The following PLD5 variants were observed in gnomAD, a reference collection of about 807,000 sequenced individuals.
PLD5 encodes inactive phospholipase D5.
In PLD5, 36 loss-of-function variants were observed where a neutral mutation model predicts 61.1. That is an observed-to-expected ratio of 0.59 (90% CI 0.45 to 0.78). The LOEUF (loss-of-function observed/expected upper bound fraction) is 0.78. PLD5 is among the 30% of genes least tolerant of loss of function. The pLI is 0.00. For missense variants in PLD5, 515 were observed against 644.4 expected (o/e 0.80, Z 2.17); for synonymous variants, 243 against 242.8 (o/e 1.00, Z -0.01).
At chr1:242,312,533 A>C (rs1415309599) in intron 2 of PLD5, among the ~76,000 whole-genome samples, 2 of 151,996 alleles carry the variant, frequency 1.3e-5, no homozygotes, top group African/African-American at 4.8e-5. Context: ...CTTGCCCCAG[A>C]TATCTGTGGG....
intron 1 of PLD5, among the ~76,000 whole-genome samples, chr1:242,373,275 G>C (rs1661746289): frequency 6.6e-6 from 1 of 152,106 alleles, no homozygotes; most frequent in African/African-American, 2.4e-5. Flanking sequence ...AGTTAGAATG[G>C]CGATCATTAA....
intron 1 of PLD5, among the ~76,000 whole-genome samples, chr1:242,447,937 G>A (rs1258845663): frequency 6.6e-6 from 1 of 152,242 alleles, no homozygotes; most frequent in African/African-American, 2.4e-5. Context: ...TCAGGCTAAT[G>A]AAGGGAAGAA....
intron 5 of PLD5, among the ~76,000 whole-genome samples, chr1:242,193,361 G>A (rs1162709718): frequency 6.6e-6 from 1 of 152,180 alleles, no homozygotes; most frequent in Non-Finnish European, 1.5e-5. Context: ...AATTCAGGGA[G>A]GATTTTCTTT....
intron 5 of PLD5, chr1:242,210,646 A>T (rs1669750524): frequency 6.6e-6 from 1 of 151,656 alleles, no homozygotes; most frequent in Non-Finnish European, 1.5e-5. Context: ...GCTCAAAATC[A>T]CCCCCACTGA....
At chr1:242,219,497 A>C (rs2149005393) in intron 5 of PLD5, among the ~76,000 whole-genome samples, 1 of 152,350 alleles carries the variant, frequency 6.6e-6, no homozygotes, top group Middle Eastern at 3.4e-3. Context: ...CTCTGACACA[A>C]ATAAATGCAT....
intron 5 of PLD5, among the ~76,000 whole-genome samples, chr1:242,164,340 T>G (rs1666140461): frequency 2.0e-5 from 3 of 151,866 alleles, no homozygotes; most frequent in Non-Finnish European, 4.4e-5. Flanking sequence ...CTATGCTTTA[T>G]CCAAACGAAA....
chr1:242,131,537 C>A (rs554176848), intron 5 of PLD5, among the ~76,000 whole-genome samples: 2 of 152,274 alleles, frequency 1.3e-5, no homozygotes, highest in East Asian at 3.9e-4. Flanking sequence ...TGTCTACATG[C>A]ATTTAAACCT....
chr1:242,405,103 ACTC>A (rs1261426508), intron 1 of PLD5, among the ~76,000 whole-genome samples: 2 of 150,850 alleles, frequency 1.3e-5, no homozygotes, highest in African/African-American at 4.9e-5. Context: ...CTGGTCTTGA[ACTC>A]CTGACCTCCA....
At chr1:242,263,866 C>T (rs1413332294) in intron 4 of PLD5, among the ~76,000 whole-genome samples, 2 of 152,184 alleles carry the variant, frequency 1.3e-5, no homozygotes, top group Non-Finnish European at 2.9e-5. Flanking sequence ...TTCAGCAACT[C>T]CAAAGAAAAT....
At chr1:242,278,162 TA>T (rs199898835) in intron 3 of PLD5, among the ~76,000 whole-genome samples, 8,370 of 152,086 alleles carry the variant, frequency 0.055, 273 homozygotes, top group Middle Eastern at 0.13. Context: ...AGGTTCTTAC[TA>T]ATGACAAAGG....
At chr1:242,379,263 A>G (rs1227129247) in intron 1 of PLD5, among the ~76,000 whole-genome samples, 2 of 152,172 alleles carry the variant, frequency 1.3e-5, no homozygotes, top group Non-Finnish European at 2.9e-5. Flanking sequence ...GTTCTTAGTT[A>G]TAATCTACTG....
chr1:242,356,193 T>C (rs1282301985), intron 1 of PLD5, among the ~76,000 whole-genome samples: 2 of 152,110 alleles, frequency 1.3e-5, no homozygotes, highest in Non-Finnish European at 2.9e-5. Context: ...TTACATTGTA[T>C]TGAAATATAC....
At chr1:242,323,904 T>C (rs1658582430) in intron 2 of PLD5, among the ~76,000 whole-genome samples, 1 of 152,134 alleles carries the variant, frequency 6.6e-6, no homozygotes, top group South Asian at 2.1e-4. Flanking sequence ...CATGACTTGA[T>C]AAAACAAGAA....
chr1:242,105,456 T>C (rs1358777272), intron 8 of PLD5, among the ~76,000 whole-genome samples: 1 of 152,232 alleles, frequency 6.6e-6, no homozygotes, highest in Non-Finnish European at 1.5e-5. Flanking sequence ...ACTCCTGGCC[T>C]CAAGTGATTC....
chr1:242,450,120 C>A, intron 1 of PLD5, among the ~76,000 whole-genome samples: 1 of 152,172 alleles, frequency 6.6e-6, no homozygotes, highest in East Asian at 1.9e-4. Flanking sequence ...GGGCTCTTTG[C>A]TTTTCCTGCA....
Position 242,524,417 on chromosome 1 carries a change from C to A in PLD5, c.-141G>T, listed in dbSNP as rs1669381076. 4 of 850,638 alleles carry A rather than the reference C, an allele frequency of 4.7e-6. No individual in the cohort carries two copies. Among genetic ancestry groups the A allele is most frequent in the East Asian group, 3.5e-5 (1 of 28,748 alleles). The allele number at this position is 850,638 out of a possible 1,614,324, so 52.7% of individuals were successfully genotyped here. On this transcript the variant is annotated 5_prime_UTR_variant, in exon 1 of 10. Transcript: ENST00000536534. ...GAGCTGGAGGAGCTGGAGGAGCGAG[C>A]GGGCGCGGGGAGCGCGGGGTGCTGA...
At chr1:242,411,849 G>A (rs1230986640) in intron 1 of PLD5, among the ~76,000 whole-genome samples, 3 of 152,026 alleles carry the variant, frequency 2.0e-5, no homozygotes, top group Non-Finnish European at 4.4e-5. Flanking sequence ...TTGAGGGTGG[G>A]CCCAAGAAAA....
intron 1 of PLD5, among the ~76,000 whole-genome samples, chr1:242,457,534 G>A (rs1386887947): frequency 2.6e-5 from 4 of 152,140 alleles, no homozygotes; most frequent in African/African-American, 9.7e-5. Context: ...TGTTTCCCCA[G>A]GTGAACGTCA....
chr1:242,468,240 AT>A (rs1187369187), intron 1 of PLD5, among the ~76,000 whole-genome samples: 10 of 152,240 alleles, frequency 6.6e-5, no homozygotes, highest in Non-Finnish European at 1.0e-4. Flanking sequence ...GAACAGAGCC[AT>A]TTTTAAGTTA....
Sources: allele counts gnomAD v4.1 joint callset (sites outside exome capture counted in the v4.1 genomes callset), GRCh38; gene constraint gnomAD v4.1.1; transcripts MANE v1.5; gene names NCBI Gene and HGNC (gene_info 2026-07-23, HGNC 2026-07-21).